NEK11: variants seen among roughly 807,000 people sequenced by gnomAD.
NEK11 encodes the protein NIMA related kinase 11.
Under a neutral mutation model 80.7 loss-of-function variants are expected in NEK11, and 72 were observed. That is an observed-to-expected ratio of 0.89 (90% CI 0.74 to 1.08). NEK11 has a LOEUF of 1.08. Among genes scored for constraint, NEK11 ranks in the 50% least tolerant of loss-of-function variants. NEK11 has a pLI of 0.00. For missense variants in NEK11, 764 were observed against 763.6 expected (o/e 1.00, Z -0.01); for synonymous variants, 251 against 260.7 (o/e 0.96, Z 0.36).
At chr3:131,310,023 A>C (rs1056067239) in intron 17 of NEK11, among the ~76,000 whole-genome samples, 2 of 115,224 alleles carry the variant, frequency 1.7e-5, no homozygotes, top group African/African-American at 3.7e-5. Context: ...AAAAAAAAAA[A>C]CAACCTGTAG....
chr3:131,062,191 T>C (rs1250315981), intron 3 of NEK11, among the ~76,000 whole-genome samples: 2 of 152,210 alleles, frequency 1.3e-5, no homozygotes. Flanking sequence ...ACAGAACATG[T>C]GTGTAGCAGT....
At chr3:131,247,297 A>T (rs1329638134) in intron 16 of NEK11, among the ~76,000 whole-genome samples, 2 of 152,126 alleles carry the variant, frequency 1.3e-5, no homozygotes, top group African/African-American at 4.8e-5. Flanking sequence ...ATTTTTGTAT[A>T]AGGTGAGAGA....
intron 3 of NEK11, among the ~76,000 whole-genome samples, chr3:131,041,721 A>G (rs1458371279): frequency 6.6e-6 from 1 of 152,192 alleles, no homozygotes; most frequent in Non-Finnish European, 1.5e-5. Context: ...ATATTTCATA[A>G]CTATACTTGG....
chr3:131,080,011 G>T (rs1195830891), intron 3 of NEK11, among the ~76,000 whole-genome samples: 2 of 145,556 alleles, frequency 1.4e-5, no homozygotes, highest in East Asian at 2.0e-4. Flanking sequence ...CAGAGTGATG[G>T]ATTACATATA....
At chr3:131,275,328 G>A (rs1244703954) in intron 17 of NEK11, among the ~76,000 whole-genome samples, 1 of 152,032 alleles carries the variant, frequency 6.6e-6, no homozygotes, top group African/African-American at 2.4e-5. Context: ...TCAGATTTTT[G>A]ATCTAAGACT....
At chr3:131,318,480 G>T (rs2096865517) in intron 17 of NEK11, among the ~76,000 whole-genome samples, 1 of 151,760 alleles carries the variant, frequency 6.6e-6, no homozygotes, top group Non-Finnish European at 1.5e-5. Context: ...ATATATCAAA[G>T]GTATATACTT....
intron 4 of NEK11, chr3:131,088,285 A>T (rs1408060013): frequency 1.3e-5 from 2 of 152,228 alleles, no homozygotes; most frequent in East Asian, 3.8e-4. Context: ...TAAGTATCAA[A>T]ATTAAAGTCA....
intron 3 of NEK11, among the ~76,000 whole-genome samples, chr3:131,077,623 G>T (rs751338528): frequency 6.6e-6 from 1 of 152,314 alleles, no homozygotes; most frequent in South Asian, 2.1e-4. Flanking sequence ...TTCACAGCAA[G>T]AGAATATTGC....
intron 17 of NEK11, among the ~76,000 whole-genome samples, chr3:131,299,739 G>A (rs2096640667): frequency 6.6e-6 from 1 of 152,156 alleles, no homozygotes; most frequent in Admixed American, 6.6e-5. Flanking sequence ...GTATTCCATG[G>A]TGTATATGTA....
At chr3:131,325,150 G>A (rs998878163) in intron 17 of NEK11, 7 of 152,176 alleles carry the variant, frequency 4.6e-5, no homozygotes, top group African/African-American at 9.7e-5. Context: ...GGGGGAGGGG[G>A]ATCAGCAGAG....
intron 14 of NEK11, among the ~76,000 whole-genome samples, chr3:131,171,755 G>C (rs544406919): frequency 6.6e-6 from 1 of 152,274 alleles, no homozygotes; most frequent in South Asian, 2.1e-4. Context: ...GCAGAGGAGG[G>C]TTATCAATAT....
At chr3:131,296,700 G>A (rs1287057548) in intron 17 of NEK11, among the ~76,000 whole-genome samples, 2 of 151,912 alleles carry the variant, frequency 1.3e-5, no homozygotes, top group Non-Finnish European at 2.9e-5. Flanking sequence ...TAGGGTACAT[G>A]TGCACAACGT....
intron 16 of NEK11, among the ~76,000 whole-genome samples, chr3:131,271,179 G>A (rs2096177832): frequency 6.6e-6 from 1 of 152,126 alleles, no homozygotes; most frequent in South Asian, 2.1e-4. Context: ...CAATCTCCAG[G>A]AGTGAGAGAA....
At chr3:131,074,054 G>T (rs1200661286) in intron 3 of NEK11, among the ~76,000 whole-genome samples, 1 of 152,112 alleles carries the variant, frequency 6.6e-6, no homozygotes, top group Non-Finnish European at 1.5e-5. Flanking sequence ...ACAGAATTAA[G>T]CTCCAACTGC....
At chr3:131,259,702 G>T (rs1039297111) in intron 16 of NEK11, among the ~76,000 whole-genome samples, 2 of 152,120 alleles carry the variant, frequency 1.3e-5, no homozygotes, top group African/African-American at 4.8e-5. Context: ...TAATGGTTAG[G>T]TTCTCTACCT....
chr3:131,166,626 C>G (rs1251705182), intron 12 of NEK11, among the ~76,000 whole-genome samples: 2 of 152,154 alleles, frequency 1.3e-5, no homozygotes, highest in Admixed American at 1.3e-4. Flanking sequence ...GTGCTCAATT[C>G]CATCCCCCTT....
chr3:131,157,273 A>G (rs1266201752), intron 10 of NEK11, among the ~76,000 whole-genome samples: 1 of 152,134 alleles, frequency 6.6e-6, no homozygotes, highest in African/African-American at 2.4e-5. Flanking sequence ...TTGACTTTTT[A>G]AAATAATTTT....
intron 4 of NEK11, among the ~76,000 whole-genome samples, chr3:131,098,722 C>T (rs1284939628): frequency 5.3e-5 from 8 of 151,730 alleles, no homozygotes; most frequent in South Asian, 4.2e-4. Flanking sequence ...ATTACAGGTG[C>T]GCACCACCAC....
intron 3 of NEK11, among the ~76,000 whole-genome samples, chr3:131,044,518 G>A (rs1338317748): frequency 6.8e-6 from 1 of 147,074 alleles, no homozygotes; most frequent in Non-Finnish European, 1.5e-5. Flanking sequence ...GATTAGAAGA[G>A]ACAAAGAGGG....
Sources: gnomAD v4.1 joint callset for allele counts (sites outside exome capture counted in the v4.1 genomes callset) on GRCh38, gnomAD v4.1.1 for gene constraint, MANE v1.5 for transcripts, NCBI Gene and HGNC (gene_info 2026-07-23, HGNC 2026-07-21) for gene names.